Variants in LARS2 observed in about 807,000 individuals in gnomAD.
LARS2 encodes the protein leucyl-tRNA synthetase 2, mitochondrial.
LARS2 carries 81 observed loss-of-function variants against 116.6 expected under a neutral mutation model. The observed-to-expected ratio is 0.69, with a 90% CI of 0.58 to 0.84. The LOEUF (loss-of-function observed/expected upper bound fraction) is 0.84. Among genes scored for constraint, LARS2 ranks in the 40% least tolerant of loss-of-function variants. The pLI is 0.00. For missense variants in LARS2, 968 were observed against 1,114.5 expected, an observed-to-expected ratio of 0.87 and a Z score of 1.87; for synonymous variants, 396 against 407.2, an observed-to-expected ratio of 0.97 and a Z score of 0.33.
intron 6 of LARS2, among the ~76,000 whole-genome samples, chr3:45,430,029 T>TTTTTTTTTTTTTTTTTTG (rs1553629354): frequency 2.2e-5 from 3 of 138,848 alleles, no homozygotes; most frequent in African/African-American, 8.5e-5. Context: ...TTTTTTTTTT[T>TTTTTTTTTTTTTTTTTTG]GAGACAGAGT....
At chr3:45,411,636 G>T (rs1575236168) in intron 4 of LARS2, among the ~76,000 whole-genome samples, 1 of 151,874 alleles carries the variant, frequency 6.6e-6, no homozygotes, top group African/African-American at 2.4e-5. Context: ...ATGAAAAAAG[G>T]TCATAAAATA....
rs752197294 is a variant in LARS2 at position 45,541,974 on chromosome 3, A to G, written c.2532+18A>G. 1.2e-6 allele frequency: 2 copies of G among 1,613,194 alleles called. No individual in the cohort carries two copies. Among genetic ancestry groups the G allele is most frequent in the Non-Finnish European group, 1.7e-6 (2 of 1,179,442 alleles). On this transcript the variant is annotated intron_variant, in intron 21 of 21. Transcript: ENST00000645846. ...CAGTTCTGGTAAGTATCTCCCCTCA[A>G]CCCCAGAACCCAGCAGTCCCTGCCC...
chr3:45,459,548 G>C (rs903964171), intron 8 of LARS2, among the ~76,000 whole-genome samples: 4 of 152,182 alleles, frequency 2.6e-5, no homozygotes, highest in Admixed American at 6.5e-5. Flanking sequence ...GTGCCTTCTA[G>C]CTCTTTCCGT....
intron 7 of LARS2, among the ~76,000 whole-genome samples, chr3:45,457,194 A>G (rs1699227128): frequency 6.6e-6 from 1 of 152,220 alleles, no homozygotes; most frequent in Non-Finnish European, 1.5e-5. Flanking sequence ...CTAGAGGCAC[A>G]TGACCCCTGC....
At position 45,472,745 on chromosome 3, in the gene LARS2, T is replaced by G. The variant is rs139002298; in HGVS notation, c.751-1498T>G. Among the ~76,000 whole-genome samples, 298 of 152,318 alleles carry G rather than the reference T, an allele frequency of 2.0e-3. 2 individuals are homozygous for G. The highest frequency in any genetic ancestry group is 6.7e-3 in the African/African-American group (277 of 41,570). On this transcript the variant is annotated intron_variant, in intron 8 of 21. Coordinates refer to ENST00000645846, the MANE Select transcript of LARS2 (RefSeq NM_015340.4). ...GACTTGGGAGTCAGCTACATCTTGC[T>G]TCAAGTGTTGCTTCCACAGCTCTAT... is the stretch of plus-strand genomic sequence containing the variant.
chr3:45,543,312 T>G (rs985138488), intron 21 of LARS2, among the ~76,000 whole-genome samples: 3 of 152,024 alleles, frequency 2.0e-5, no homozygotes, highest in Non-Finnish European at 4.4e-5. Flanking sequence ...TTTTTATGAT[T>G]ATTATTATTA....
intron 10 of LARS2, among the ~76,000 whole-genome samples, chr3:45,480,064 T>C: frequency 6.6e-6 from 1 of 152,178 alleles, no homozygotes; most frequent in East Asian, 1.9e-4. Flanking sequence ...ATAGTATCCA[T>C]ATGGGGTGAG....
Position 45,407,965 on chromosome 3 carries a change from A to G in LARS2, c.363+7592A>G, listed in dbSNP as rs563329040. ...TTAAAATAATTCCTTCTTTTAAAAA[A>G]TATATTTTAAAATTGTACATGAATT... On this transcript the variant is annotated intron_variant, in intron 4 of 21. Transcript: ENST00000645846. 4.9e-4 allele frequency among the ~76,000 whole-genome samples: 74 copies of G among 152,306 alleles called. 1 individual carries two copies. The highest frequency in any genetic ancestry group is 9.3e-4 in the Non-Finnish European group (63 of 68,018).
intron 6 of LARS2, among the ~76,000 whole-genome samples, chr3:45,426,929 TG>T (rs1378911531): frequency 6.6e-6 from 1 of 152,166 alleles, no homozygotes; most frequent in African/African-American, 2.4e-5. Context: ...GCTTGTTGAG[TG>T]CTTTCAGGAG....
chr3:45,496,803 C>T (rs1248600220), intron 14 of LARS2, among the ~76,000 whole-genome samples: 1 of 152,254 alleles, frequency 6.6e-6, no homozygotes, highest in Non-Finnish European at 1.5e-5. Flanking sequence ...TGGAAGCTGT[C>T]AGTCAACTGT....
intron 8 of LARS2, among the ~76,000 whole-genome samples, chr3:45,473,696 T>G (rs546821980): frequency 2.5e-4 from 38 of 151,808 alleles, no homozygotes; most frequent in African/African-American, 7.2e-4. Context: ...TTGTTGTTTT[T>G]TTTTTTTTTT....
rs1030901728 is a variant in LARS2 at position 45,537,315 on chromosome 3, A to C, written c.2405-4514A>C. Among the ~76,000 whole-genome samples, 3 of 152,262 alleles carry C rather than the reference A, an allele frequency of 2.0e-5. No individual in the cohort carries two copies. In the South Asian group the frequency reaches 6.2e-4, roughly 32 times the overall value. Reference sequence around the variant, plus strand: ...ATTCTCCCTCTTGAGGTCTCAGTCCACAAATCTATTTTTCTTCATAAAATA... The same window carrying C: ...ATTCTCCCTCTTGAGGTCTCAGTCCCCAAATCTATTTTTCTTCATAAAATA... On this transcript the variant is annotated intron_variant, in intron 20 of 21. Coordinates refer to ENST00000645846, the MANE Select transcript of LARS2 (RefSeq NM_015340.4).
At chr3:45,473,823 A>G (rs925497975) in intron 8 of LARS2, among the ~76,000 whole-genome samples, 50 of 152,006 alleles carry the variant, frequency 3.3e-4, no homozygotes, top group Non-Finnish European at 2.6e-4. Context: ...GATAAAATTT[A>G]TAATGTCCTA....
intron 6 of LARS2, among the ~76,000 whole-genome samples, chr3:45,438,717 C>A (rs1698848907): frequency 6.6e-6 from 1 of 151,486 alleles, no homozygotes; most frequent in Non-Finnish European, 1.5e-5. Context: ...CTCCTGTAAT[C>A]CCAGCTACTC....
chr3:45,537,964 GC>G (rs1700733435), intron 20 of LARS2, among the ~76,000 whole-genome samples: 1 of 152,216 alleles, frequency 6.6e-6, no homozygotes, highest in African/African-American at 2.4e-5. Context: ...AGGCTTGTGT[GC>G]CAGGGCCTTG....
intron 6 of LARS2, among the ~76,000 whole-genome samples, chr3:45,434,012 A>G (rs1272337179): frequency 6.6e-6 from 1 of 151,592 alleles, no homozygotes; most frequent in Non-Finnish European, 1.5e-5. Context: ...TGCTTTCAAT[A>G]TTTTTTTCTT....
At chr3:45,492,383 G>A (rs2125733426) in intron 13 of LARS2, among the ~76,000 whole-genome samples, 1 of 152,348 alleles carries the variant, frequency 6.6e-6, no homozygotes, top group South Asian at 2.1e-4. Flanking sequence ...TAATGATGCT[G>A]TCCATATCAG....
chr3:45,445,046 C>T (rs1268348587), intron 6 of LARS2, among the ~76,000 whole-genome samples: 1 of 152,134 alleles, frequency 6.6e-6, no homozygotes, highest in Non-Finnish European at 1.5e-5. Flanking sequence ...AATATTTTTA[C>T]CATACTACCT....
At chr3:45,442,570 T>C (rs1011492891) in intron 6 of LARS2, among the ~76,000 whole-genome samples, 1 of 152,216 alleles carries the variant, frequency 6.6e-6, no homozygotes, top group Non-Finnish European at 1.5e-5. Flanking sequence ...AATAGCATTA[T>C]GCACACATAA....
Sources: gnomAD v4.1 joint callset for allele counts (sites outside exome capture counted in the v4.1 genomes callset) on GRCh38, gnomAD v4.1.1 for gene constraint, MANE v1.5 for transcripts, NCBI Gene and HGNC (gene_info 2026-07-23, HGNC 2026-07-21) for gene names.